The following ARHGAP19 variants were observed in gnomAD, a reference collection of about 807,000 sequenced individuals.
The protein encoded by ARHGAP19 is rho GTPase-activating protein 19.
ARHGAP19 carries 48 observed loss-of-function variants against 60.9 expected under a neutral mutation model. The observed-to-expected ratio is 0.79, with a 90% CI of 0.62 to 1.00. The LOEUF (loss-of-function observed/expected upper bound fraction) is 1.00. Among genes scored for constraint, ARHGAP19 ranks in the 50% least tolerant of loss-of-function variants. The pLI is 0.00. For missense variants in ARHGAP19, 562 were observed against 597.2 expected, an observed-to-expected ratio of 0.94 and a Z score of 0.61; for synonymous variants, 209 against 215.5, an observed-to-expected ratio of 0.97 and a Z score of 0.27.
chr10:97,226,650 G>A (rs987331738), intron 11 of ARHGAP19, among the ~76,000 whole-genome samples: 20 of 152,272 alleles, frequency 1.3e-4, no homozygotes, highest in African/African-American at 4.8e-4. Context: ...GAGACAGAAG[G>A]CCACAAATAC....
chr10:97,227,932 C>T (rs535046760), intron 11 of ARHGAP19, among the ~76,000 whole-genome samples: 15 of 152,228 alleles, frequency 9.9e-5, no homozygotes, highest in Admixed American at 6.5e-4. Context: ...GTATTATTTC[C>T]GCATGTCTTT....
intron 1 of ARHGAP19, among the ~76,000 whole-genome samples, chr10:97,273,244 C>T (rs965657635): frequency 2.0e-5 from 3 of 151,922 alleles, no homozygotes; most frequent in African/African-American, 7.3e-5. Flanking sequence ...CTCACTGCAA[C>T]CTCCACCTCC....
chr10:97,289,045 C>T (rs1751704258), intron 1 of ARHGAP19, among the ~76,000 whole-genome samples: 1 of 151,242 alleles, frequency 6.6e-6, no homozygotes, highest in South Asian at 2.1e-4. Context: ...TCTCGATCTC[C>T]TGACCTCATG....
At chr10:97,258,955 G>T (rs1157220321) in intron 5 of ARHGAP19, among the ~76,000 whole-genome samples, 1 of 152,182 alleles carries the variant, frequency 6.6e-6, no homozygotes, top group Non-Finnish European at 1.5e-5. Context: ...GTCAGGACAA[G>T]GCAGGATTGC....
chr10:97,262,931 C>T, intron 4 of ARHGAP19, among the ~76,000 whole-genome samples: 1 of 152,024 alleles, frequency 6.6e-6, no homozygotes, highest in East Asian at 1.9e-4. Flanking sequence ...GGCAACACGG[C>T]GAAACCCCAT....
rs189757847 is a variant in ARHGAP19 at position 97,245,629 on chromosome 10, A to G, written c.993+643T>C. Among the ~76,000 whole-genome samples, 212 of 151,336 alleles carry G rather than the reference A, an allele frequency of 1.4e-3. 1 individual carries two copies. Among genetic ancestry groups the G allele is most frequent in the African/African-American group, 4.7e-3 (195 of 41,268 alleles). ...AAAAAAAAAAAAAATCATCATTATCATATCTGATCTTGTGAATAAGCATTA... is the reference window on the plus strand; with the variant it reads ...AAAAAAAAAAAAAATCATCATTATCGTATCTGATCTTGTGAATAAGCATTA... On this transcript the variant is annotated intron_variant, in intron 7 of 11. Transcript: ENST00000358531.
Position 97,235,222 on chromosome 10 carries a change from T to A in ARHGAP19, c.1279A>T (p.Ile427Phe), listed in dbSNP as rs371467055. 1.9e-5 allele frequency: 30 copies of A among 1,610,674 alleles called. No individual in the cohort carries two copies. The highest frequency in any genetic ancestry group is 1.6e-4 in the Middle Eastern group (1 of 6,072). Residue 427 changes from isoleucine (I) to phenylalanine (F), a missense_variant, in exon 9 of 12, where the codon ATT (isoleucine) becomes TTT (phenylalanine). Physicochemically the swap from Ile to Phe is conservative, Grantham distance 21. Coordinates refer to ENST00000358531, the MANE Select transcript of ARHGAP19 (RefSeq NM_032900.6). ...RARSRSFSGL[I>F]KRKVLGNQMM... ...CGACAGCCCAGCATACCTACCTTAA[T>A]AAGCCCACTGAAGGAGCGCGAACGA... is the stretch of plus-strand genomic sequence containing the variant.
intron 1 of ARHGAP19, among the ~76,000 whole-genome samples, chr10:97,270,940 A>G (rs1842952656): frequency 6.6e-6 from 1 of 152,256 alleles, no homozygotes; most frequent in South Asian, 2.1e-4. Flanking sequence ...AAAGCATATA[A>G]CAGGTAGTTT....
intron 6 of ARHGAP19, among the ~76,000 whole-genome samples, chr10:97,248,124 C>G (rs1842589264): frequency 6.6e-6 from 1 of 152,122 alleles, no homozygotes; most frequent in African/African-American, 2.4e-5. Flanking sequence ...CACCATCATG[C>G]CCGGCTAATT....
At chr10:97,263,394 A>G (rs369552531) in intron 4 of ARHGAP19, 26 bp downstream of exon 4, 114 of 1,603,178 alleles carry the variant, frequency 7.1e-5, no homozygotes, top group Admixed American at 1.3e-4. Context: ...ATGTATTTAC[A>G]TCTCCTTCTT....
At chr10:97,239,544 GAGAGA>G (rs1842437268) in intron 8 of ARHGAP19, among the ~76,000 whole-genome samples, 1 of 123,508 alleles carries the variant, frequency 8.1e-6, no homozygotes, top group African/African-American at 3.1e-5. Context: ...GAGAGAGAGA[GAGAGA>G]GGGTGTGTGT....
intron 4 of ARHGAP19, among the ~76,000 whole-genome samples, chr10:97,259,992 C>A (rs539043129): frequency 6.6e-6 from 1 of 151,770 alleles, no homozygotes; most frequent in Non-Finnish European, 1.5e-5. Flanking sequence ...CCCGCCACCA[C>A]GCCCGGCTAA....
chr10:97,243,047 G>A, intron 8 of ARHGAP19, among the ~76,000 whole-genome samples: 1 of 152,180 alleles, frequency 6.6e-6, no homozygotes, highest in African/African-American at 2.4e-5. Flanking sequence ...GTTTGAATCT[G>A]CAGCAATACT....
At position 97,285,427 on chromosome 10, in the gene ARHGAP19, A is replaced by G. The variant is rs547376666; in HGVS notation, c.56+7145T>C. Among the ~76,000 whole-genome samples the G allele has an allele frequency of 1.4e-3, 210 of 150,860 alleles. 1 individual carries two copies. The highest frequency in any genetic ancestry group is 2.3e-3 in the Non-Finnish European group (154 of 67,750). On this transcript the variant is annotated intron_variant, in intron 1 of 11. Transcript: ENST00000358531. ...AGCTTATTGCAGCCTCAAACTCTTG[A>G]GCTCAAGTGATCCTCCTGCTTCAGC... is the stretch of plus-strand genomic sequence containing the variant.
At chr10:97,258,524 A>G (rs990203029) in intron 5 of ARHGAP19, 1 of 151,642 alleles carries the variant, frequency 6.6e-6, no homozygotes, top group African/African-American at 2.4e-5. Flanking sequence ...ACAGAGGAAG[A>G]CTCTGTCTCA....
intron 11 of ARHGAP19, among the ~76,000 whole-genome samples, chr10:97,227,766 T>G (rs1850924946): frequency 6.6e-6 from 1 of 152,178 alleles, no homozygotes; most frequent in African/African-American, 2.4e-5. Flanking sequence ...CACAAAAGAT[T>G]GCATCAACAA....
In ARHGAP19 at chr10:97,259,495, G is replaced by A. The variant is rs1842799033; in HGVS notation, c.747C>T (p.Leu249=). 3.1e-6 allele frequency: 5 copies of A among 1,614,176 alleles called. No homozygotes were observed. Among genetic ancestry groups the A allele is most frequent in the Non-Finnish European group, 4.2e-6 (5 of 1,180,022 alleles). Reference sequence around the variant, plus strand: ...CTTGTTTCTTTGCTGTCTGGTATAGGAGATCAAGCAATAACTTCAGCAAAT... The same window carrying A: ...CTTGTTTCTTTGCTGTCTGGTATAGAAGATCAAGCAATAACTTCAGCAAAT... ...NRNLLKLLLD[L]LYQTAKKQDK... Residue 249 remains leucine (L), a synonymous_variant, in exon 5 of 12, where the codon CTC becomes CTT. Transcript: ENST00000358531.
intron 1 of ARHGAP19, among the ~76,000 whole-genome samples, chr10:97,284,437 C>T (rs1057092320): frequency 6.6e-6 from 1 of 151,922 alleles, no homozygotes; most frequent in Non-Finnish European, 1.5e-5. Flanking sequence ...TTTTTTTCTA[C>T]ATATTTTTCT....
intron 6 of ARHGAP19, among the ~76,000 whole-genome samples, chr10:97,248,113 C>T (rs193181869): frequency 5.9e-4 from 90 of 152,184 alleles, no homozygotes; most frequent in Admixed American, 7.9e-4. Context: ...TTACAAGCAC[C>T]CACCATCATG....
Sources: gnomAD v4.1 joint callset for allele counts (sites outside exome capture counted in the v4.1 genomes callset) on GRCh38, gnomAD v4.1.1 for gene constraint, MANE v1.5 for transcripts, NCBI Gene and HGNC (gene_info 2026-07-23, HGNC 2026-07-21) for gene names.